GDPD5: variants seen among roughly 807,000 people sequenced by gnomAD.
GDPD5 encodes glycerophosphodiester phosphodiesterase 2.
Under a neutral mutation model 75.1 loss-of-function variants are expected in GDPD5, and 48 were observed. The ratio of observed to expected loss-of-function variants is 0.64; its 90% confidence interval spans 0.51 to 0.81. The LOEUF (loss-of-function observed/expected upper bound fraction) is 0.81, where lower values mean the gene tolerates loss of function less well. GDPD5 is among the 40% of genes least tolerant of loss of function. The pLI, the probability that GDPD5 is intolerant of heterozygous loss-of-function variation, is 0.00. For missense variants in GDPD5, 706 were observed against 822.6 expected, an observed-to-expected ratio of 0.86 and a Z score of 1.73; for synonymous variants, 336 against 339.0, an observed-to-expected ratio of 0.99 and a Z score of 0.10.
At chr11:75,516,359 A>G (rs573512566) in intron 1 of GDPD5, among the ~76,000 whole-genome samples, 32 of 152,258 alleles carry the variant, frequency 2.1e-4, no homozygotes, top group Admixed American at 1.8e-3. Flanking sequence ...TTGATTTGTC[A>G]CACGCCTAAT....
At chr11:75,439,082 A>C (rs956053272) in intron 15 of GDPD5, among the ~76,000 whole-genome samples, 5 of 152,170 alleles carry the variant, frequency 3.3e-5, no homozygotes, top group African/African-American at 9.7e-5. Context: ...CCAGGTCAGG[A>C]AGCTGTCAAG....
intron 2 of GDPD5, among the ~76,000 whole-genome samples, chr11:75,488,999 C>T (rs931770589): frequency 2.6e-5 from 4 of 152,138 alleles, no homozygotes; most frequent in Admixed American, 1.3e-4. Context: ...CTGCACTGGG[C>T]CTGGCACCAA....
At chr11:75,465,636 C>T (rs1949499211) in intron 3 of GDPD5, among the ~76,000 whole-genome samples, 1 of 152,194 alleles carries the variant, frequency 6.6e-6, no homozygotes, top group Admixed American at 6.5e-5. Context: ...GAGAGATTCC[C>T]CTGAGGCTTA....
chr11:75,504,919 A>G (rs1950363525), intron 1 of GDPD5, among the ~76,000 whole-genome samples: 1 of 152,160 alleles, frequency 6.6e-6, no homozygotes, highest in Admixed American at 6.5e-5. Flanking sequence ...TGAGGTCAGG[A>G]GTTCGAGACC....
intron 6 of GDPD5, chr11:75,452,688 C>T (rs975125970): frequency 6.6e-6 from 1 of 152,272 alleles, no homozygotes; most frequent in Non-Finnish European, 1.5e-5. Flanking sequence ...AAGCTGGGGC[C>T]AGTGCATGGA....
chr11:75,511,078 G>A (rs925845870), intron 1 of GDPD5, among the ~76,000 whole-genome samples: 10 of 152,248 alleles, frequency 6.6e-5, no homozygotes, highest in Admixed American at 6.5e-4. Flanking sequence ...ATTTCCAAGT[G>A]CTGGCTCTGT....
intron 2 of GDPD5, among the ~76,000 whole-genome samples, chr11:75,482,727 A>G (rs1949946081): frequency 6.6e-6 from 1 of 151,216 alleles, no homozygotes; most frequent in South Asian, 2.1e-4. Flanking sequence ...ACACCTCCTG[A>G]TCCTTCAAGT....
chr11:75,502,084 C>T (rs940096629), intron 1 of GDPD5, among the ~76,000 whole-genome samples: 1 of 152,174 alleles, frequency 6.6e-6, no homozygotes, highest in East Asian at 1.9e-4. Context: ...GCCTGAGAAA[C>T]AGAAGGACAT....
At chr11:75,439,532 A>T (rs1478702245) in intron 15 of GDPD5, among the ~76,000 whole-genome samples, 2 of 150,444 alleles carry the variant, frequency 1.3e-5, no homozygotes, top group African/African-American at 4.9e-5. Flanking sequence ...GACCAACCAC[A>T]CCTCCCCACT....
chr11:75,441,556 G>A, intron 13 of GDPD5, 90 bp downstream of exon 13: 1 of 1,248,732 alleles, frequency 8.0e-7, no homozygotes, highest in Non-Finnish European at 1.1e-6. Flanking sequence ...GTGTGTGTGT[G>A]TGTGTGTGTG....
intron 1 of GDPD5, among the ~76,000 whole-genome samples, chr11:75,515,068 C>G (rs990992274): frequency 6.6e-6 from 1 of 152,214 alleles, no homozygotes; most frequent in Non-Finnish European, 1.5e-5. Flanking sequence ...ACATACCTCC[C>G]TTCTCAGGAA....
At chr11:75,492,109 C>A (rs1950119969) in intron 1 of GDPD5, among the ~76,000 whole-genome samples, 1 of 152,224 alleles carries the variant, frequency 6.6e-6, no homozygotes, top group Non-Finnish European at 1.5e-5. Flanking sequence ...CTTACCTGGG[C>A]CCATGGCTGC....
chr11:75,453,658 T>A (rs1361878718), intron 6 of GDPD5, among the ~76,000 whole-genome samples: 1 of 151,156 alleles, frequency 6.6e-6, no homozygotes, highest in Non-Finnish European at 1.5e-5. Flanking sequence ...AAAACTGTGG[T>A]CTTTAGAGTG....
chr11:75,520,195 T>A (rs1352338943), intron 1 of GDPD5, among the ~76,000 whole-genome samples: 1 of 152,190 alleles, frequency 6.6e-6, no homozygotes, highest in Non-Finnish European at 1.5e-5. Flanking sequence ...CAGCCATCAC[T>A]CACTGGACTC....
chr11:75,503,621 A>G (rs567936675), intron 1 of GDPD5, among the ~76,000 whole-genome samples: 194 of 152,336 alleles, frequency 1.3e-3, no homozygotes, highest in African/African-American at 4.3e-3. Flanking sequence ...TGAATAAATG[A>G]GCGAAGGAAG....
chr11:75,442,717 C>CA (rs1375515362), intron 11 of GDPD5, 136 bp from the exon 12 acceptor site: 15 of 734,302 alleles, frequency 2.0e-5, no homozygotes, highest in Non-Finnish European at 2.9e-5. Context: ...TGGCTGTGGC[C>CA]ATGTGGAGGC....
chr11:75,468,314 G>A (rs1949571388), intron 3 of GDPD5, among the ~76,000 whole-genome samples: 1 of 152,134 alleles, frequency 6.6e-6, no homozygotes. Context: ...TTGCCCTGAG[G>A]CAGCGAGCGT....
intron 1 of GDPD5, among the ~76,000 whole-genome samples, chr11:75,507,567 G>A (rs931493119): frequency 6.6e-6 from 1 of 152,246 alleles, no homozygotes; most frequent in Non-Finnish European, 1.5e-5. Flanking sequence ...AGCCCAGACC[G>A]GGGTTCTTAA....
At chr11:75,515,993 T>G (rs1950630745) in intron 1 of GDPD5, 1 of 152,284 alleles carries the variant, frequency 6.6e-6, no homozygotes, top group African/African-American at 2.4e-5. Flanking sequence ...GACAGTGTAT[T>G]CAGTGGACTC....
Sources: allele counts gnomAD v4.1 joint callset (sites outside exome capture counted in the v4.1 genomes callset), GRCh38; gene constraint gnomAD v4.1.1; transcripts MANE v1.5; gene names NCBI Gene and HGNC (gene_info 2026-07-23, HGNC 2026-07-21).